Variants in VWA3B observed in about 807,000 individuals in gnomAD.
The protein encoded by VWA3B is von Willebrand factor A domain-containing protein 3B.
Under a neutral mutation model 158.3 loss-of-function variants are expected in VWA3B, and 138 were observed. The ratio of observed to expected loss-of-function variants is 0.87; its 90% CI spans 0.76 to 1.00. The LOEUF (loss-of-function observed/expected upper bound fraction) is 1.00. VWA3B is among the 50% of genes least tolerant of loss of function. The pLI is 0.00. For missense variants in VWA3B, 1,555 were observed against 1,565.1 expected (o/e 0.99, Z 0.11); for synonymous variants, 596 against 587.3 (o/e 1.01, Z -0.21).
At chr2:98,140,415 A>G (rs2105096804) in intron 7 of VWA3B, among the ~76,000 whole-genome samples, 1 of 152,060 alleles carries the variant, frequency 6.6e-6, no homozygotes, top group Admixed American at 6.6e-5. Flanking sequence ...GGAAGCTGCC[A>G]CTCATCTTCT....
intron 2 of VWA3B, among the ~76,000 whole-genome samples, chr2:98,096,805 CT>C (rs1682746478): frequency 6.6e-6 from 1 of 152,054 alleles, no homozygotes; most frequent in Non-Finnish European, 1.5e-5. Flanking sequence ...AGTCTTCTCT[CT>C]TTTTTTCTTA....
In VWA3B at chr2:98,194,471, G is replaced by C. The variant is rs1486510576; in HGVS notation, c.1716G>C (p.Gln572His). 1.2e-6 allele frequency: 2 copies of C among 1,614,064 alleles called. No individual in the cohort carries two copies. Among genetic ancestry groups the C allele is most frequent in the South Asian group, 2.2e-5 (2 of 91,070 alleles). ...ATGAAGATAATTTGGAACAGGCTCA[G>C]TCCTGGATTAGAGACATAAAGGTAA... ...EVNEDNLEQA[Q>H]SWIRDIKIGS... Residue 572 changes from glutamine (Q) to histidine (H), a missense_variant, in exon 12 of 28, where the codon CAG becomes CAC. Physicochemically the swap from Gln to His is conservative, Grantham distance 24 (BLOSUM62 0). Transcript: ENST00000477737.
At position 98,158,823 on chromosome 2, in the gene VWA3B, C is replaced by T. The variant is rs528068998; in HGVS notation, c.989-4028C>T. Among the ~76,000 whole-genome samples the T allele has an allele frequency of 7.9e-5, 12 of 152,112 alleles. No homozygotes were observed. The South Asian group carries it at 1.7e-3, about 21-fold the overall frequency. On this transcript the variant is annotated intron_variant, in intron 7 of 27. Coordinates refer to ENST00000477737, the MANE Select transcript of VWA3B (RefSeq NM_144992.5). Reference sequence around the variant, plus strand: ...AGGGCTGAGAGGACAGTGCTCTGACCGGGTTCATGGTGCAGAGTGTTAGAG... The same window carrying T: ...AGGGCTGAGAGGACAGTGCTCTGACTGGGTTCATGGTGCAGAGTGTTAGAG...
intron 16 of VWA3B, among the ~76,000 whole-genome samples, chr2:98,231,963 C>A (rs1685363436): frequency 6.6e-6 from 1 of 151,976 alleles, no homozygotes; most frequent in Non-Finnish European, 1.5e-5. Context: ...TTTAATTTTT[C>A]TTTTTTAACA....
At position 98,192,922 on chromosome 2, in the gene VWA3B, T is replaced by C; in HGVS notation, c.1491T>C (p.Ser497=). 1 of 1,614,110 alleles carries C rather than the reference T, an allele frequency of 6.2e-7. No individual in the cohort carries two copies. The highest frequency in any genetic ancestry group is 1.1e-5 in the South Asian group (1 of 91,080). The change falls in exon 11 of 28, where the codon AGT becomes AGC. Residue 497 remains serine, a synonymous_variant. Transcript: ENST00000477737. ...RRRIKWLQDG[S]QSLFGRLHND... ...GGATTAAATGGCTACAGGATGGGAG[T>C]CAAAGCCTCTTTGGAAGATTGCATA...
At chr2:98,272,442 G>GTCT in intron 22 of VWA3B, among the ~76,000 whole-genome samples, 1 of 152,210 alleles carries the variant, frequency 6.6e-6, no homozygotes, top group South Asian at 2.1e-4. Flanking sequence ...GTGTTCAGCT[G>GTCT]TCAGTAAGCT....
intron 6 of VWA3B, among the ~76,000 whole-genome samples, chr2:98,131,125 GC>G (rs1374044247): frequency 6.6e-6 from 1 of 152,022 alleles, no homozygotes; most frequent in African/African-American, 2.4e-5. Flanking sequence ...ACCTTTCCCA[GC>G]CACTGGTATT....
chr2:98,138,539 G>A (rs1271220733), intron 7 of VWA3B, among the ~76,000 whole-genome samples: 1 of 152,212 alleles, frequency 6.6e-6, no homozygotes, highest in Non-Finnish European at 1.5e-5. Context: ...AGCCCAGGAA[G>A]CACAGAGTGA....
chr2:98,126,399 T>C (rs1429736655), intron 5 of VWA3B, among the ~76,000 whole-genome samples: 1 of 152,154 alleles, frequency 6.6e-6, no homozygotes, highest in African/African-American at 2.4e-5. Flanking sequence ...ATACTCTGTG[T>C]CTGCTCCCCT....
intron 21 of VWA3B, among the ~76,000 whole-genome samples, chr2:98,269,932 A>G (rs2105884123): frequency 6.6e-6 from 1 of 152,324 alleles, no homozygotes; most frequent in Admixed American, 6.5e-5. Context: ...CCAAAATCCA[A>G]CATCTAAATA....
chr2:98,229,191 A>T (rs1685155069), intron 15 of VWA3B, among the ~76,000 whole-genome samples: 1 of 152,236 alleles, frequency 6.6e-6, no homozygotes, highest in Non-Finnish European at 1.5e-5. Flanking sequence ...CAGCTTCTAA[A>T]TTTCAAAAAT....
chr2:98,297,882 T>A, intron 23 of VWA3B, 25 bp from the exon 24 acceptor site: 2 of 1,463,798 alleles, frequency 1.4e-6, no homozygotes, highest in Non-Finnish European at 1.8e-6. Context: ...TCTTTATATT[T>A]TATGTTTTCT....
In VWA3B at chr2:98,290,598, G is replaced by A; in HGVS notation, c.3133G>A (p.Asp1045Asn). 1 of 1,592,946 alleles carries A rather than the reference G, an allele frequency of 6.3e-7. No homozygotes were observed. The highest frequency in any genetic ancestry group is 1.2e-5 in the South Asian group (1 of 85,122). Residue 1045 changes from aspartate to asparagine, a missense_variant, in exon 23 of 28, where the codon GAT becomes AAT. By Grantham distance (23) the Asp-to-Asn change is conservative. Coordinates refer to ENST00000477737, the MANE Select transcript of VWA3B (RefSeq NM_144992.5). ...AGGACAGAAGGTTATTGCAAGATGT[G>A]ATGAAAATGGCTTTTATTTTCCAGG... The part of the protein sequence containing the change: ...LKGQKVIARC[D>N]ENGFYFPGVV...
intron 22 of VWA3B, among the ~76,000 whole-genome samples, chr2:98,285,604 A>G (rs1013560836): frequency 6.6e-6 from 1 of 151,936 alleles, no homozygotes; most frequent in Non-Finnish European, 1.5e-5. Context: ...ACTAATCCAT[A>G]TCACTATCCT....
intron 5 of VWA3B, among the ~76,000 whole-genome samples, chr2:98,122,641 T>TGCAC (rs1675056103): frequency 1.3e-5 from 2 of 152,228 alleles, no homozygotes; most frequent in African/African-American, 4.8e-5. Flanking sequence ...TCAGGGTGTG[T>TGCAC]GTGCATGAGC....
intron 7 of VWA3B, among the ~76,000 whole-genome samples, chr2:98,134,158 G>A (rs1573863278): frequency 6.6e-6 from 1 of 152,356 alleles, no homozygotes; most frequent in East Asian, 1.9e-4. Flanking sequence ...TAAGCGATGT[G>A]TGTTTACTAA....
chr2:98,189,271 G>A (rs777155478), intron 10 of VWA3B, among the ~76,000 whole-genome samples: 17 of 152,170 alleles, frequency 1.1e-4, no homozygotes, highest in African/African-American at 4.8e-5. Context: ...GCTAGGCATG[G>A]TGGCGGGCAC....
At chr2:98,161,868 A>T (rs1678612776) in intron 7 of VWA3B, among the ~76,000 whole-genome samples, 1 of 152,028 alleles carries the variant, frequency 6.6e-6, no homozygotes. Flanking sequence ...CACCACGCTC[A>T]GCTAATTTTT....
chr2:98,209,842 C>A (rs1683355878), intron 12 of VWA3B, among the ~76,000 whole-genome samples: 1 of 152,064 alleles, frequency 6.6e-6, no homozygotes, highest in Non-Finnish European at 1.5e-5. Flanking sequence ...ACTTTATTTC[C>A]ACTTATGTCT....
Sources: gnomAD v4.1 joint callset for allele counts (sites outside exome capture counted in the v4.1 genomes callset) on GRCh38, gnomAD v4.1.1 for gene constraint, MANE v1.5 for transcripts, NCBI Gene and HGNC (gene_info 2026-07-23, HGNC 2026-07-21) for gene names.